The following PARD3B variants were observed in gnomAD, a reference collection of about 807,000 sequenced individuals.
PARD3B encodes the protein par-3 family cell polarity regulator beta, also known as partitioning defective 3 homolog B.
A neutral mutation model predicts 130.2 loss-of-function variants in PARD3B; 103 were observed. The ratio of observed to expected loss-of-function variants is 0.79; its 90% confidence interval spans 0.67 to 0.93. The LOEUF (loss-of-function observed/expected upper bound fraction) is 0.93, where lower values mean the gene tolerates loss of function less well. PARD3B is among the 40% of genes least tolerant of loss of function. PARD3B has a pLI of 0.00. For missense variants in PARD3B, 1,609 were observed against 1,499.2 expected, an observed-to-expected ratio of 1.07 and a Z score of -1.21; for synonymous variants, 583 against 553.2, an observed-to-expected ratio of 1.05 and a Z score of -0.76.
In PARD3B at chr2:204,641,659, C is replaced by T. The variant is rs2035080887; in HGVS notation, c.121-44522C>T. Among the ~76,000 whole-genome samples the T allele has an allele frequency of 2.0e-5, 3 of 152,112 alleles. No individual in the cohort carries two copies. In the South Asian group the frequency reaches 6.2e-4, roughly 31 times the overall value. ...GTTTGGACACACCATGGTTGTAATT[C>T]ATACTCTTGGTTTTAGCAACACTTT... On this transcript the variant is annotated intron_variant, in intron 1 of 22. Transcript: ENST00000406610.
chr2:204,661,157 T>G (rs2035795752), intron 1 of PARD3B, among the ~76,000 whole-genome samples: 1 of 152,194 alleles, frequency 6.6e-6, no homozygotes. Context: ...TTCTTTTCCA[T>G]TATACTTTTT....
At chr2:205,496,675 A>G (rs979526307) in intron 20 of PARD3B, among the ~76,000 whole-genome samples, 4 of 152,132 alleles carry the variant, frequency 2.6e-5, no homozygotes, top group African/African-American at 9.7e-5. Context: ...GAGAACAGCA[A>G]TCTGATCAAA....
At chr2:204,695,895 T>C (rs1355187911) in intron 2 of PARD3B, among the ~76,000 whole-genome samples, 1 of 152,002 alleles carries the variant, frequency 6.6e-6, no homozygotes, top group Non-Finnish European at 1.5e-5. Flanking sequence ...GAAGTAGTTT[T>C]CTGAAACAAA....
chr2:204,723,740 G>A (rs1047816374), intron 2 of PARD3B, among the ~76,000 whole-genome samples: 2 of 152,036 alleles, frequency 1.3e-5, no homozygotes. Flanking sequence ...GCAGGATGAT[G>A]GAGTGATAAA....
At chr2:204,756,737 A>G (rs1291634504) in intron 2 of PARD3B, among the ~76,000 whole-genome samples, 2 of 152,184 alleles carry the variant, frequency 1.3e-5, no homozygotes, top group African/African-American at 2.4e-5. Context: ...AAATAGAGTA[A>G]GAAAAGAAAC....
chr2:204,812,842 C>T (rs77850680), intron 2 of PARD3B, among the ~76,000 whole-genome samples: 2,576 of 152,152 alleles, frequency 0.017, 64 homozygotes, highest in African/African-American at 0.057. Context: ...AATTATTATT[C>T]TAGGGAGACA....
chr2:205,158,868 T>G lies in PARD3B; in HGVS notation c.1581T>G (p.Ile527Met), dbSNP rs745401884. The G allele has an allele frequency of 1.9e-6, 3 of 1,614,062 alleles. No homozygotes were observed. Among genetic ancestry groups the G allele is most frequent in the Admixed American group, 1.7e-5 (1 of 60,006 alleles). The change falls in exon 11 of 23, where the codon ATT becomes ATG. Residue 527 changes from isoleucine to methionine, a missense_variant. Transcript: ENST00000406610. This position sits in a 1 kb window ranked among gnomAD's most constrained non-coding sequence, Gnocchi z 5.4. Reference protein sequence around the residue: ...KSRETGTDLGIFIKSIIHGGA... With the variant: ...KSRETGTDLGMFIKSIIHGGA... ...GAGAAACTGGAACAGACTTGGGGATTTTTATCAAATCCATCATTCATGGAG... is the reference window on the plus strand; with the variant it reads ...GAGAAACTGGAACAGACTTGGGGATGTTTATCAAATCCATCATTCATGGAG...
intron 21 of PARD3B, among the ~76,000 whole-genome samples, chr2:205,507,194 G>GTTTTTTT (rs1245448537): frequency 5.5e-4 from 14 of 25,322 alleles, no homozygotes; most frequent in Non-Finnish European, 9.5e-4. Context: ...GACAGGTGCA[G>GTTTTTTT]TATTTTTTTT....
chr2:204,550,150 C>T (rs1316972473), intron 1 of PARD3B, among the ~76,000 whole-genome samples: 1 of 152,144 alleles, frequency 6.6e-6, no homozygotes, highest in African/African-American at 2.4e-5. Flanking sequence ...TGCAGATGCT[C>T]AAGTTCCTGA....
Position 205,302,309 on chromosome 2 carries a change from G to T in PARD3B, c.2630+608G>T, listed in dbSNP as rs369998760. ...TTGAACTCCTGACCTCAAGTGATCT[G>T]CCTTGTCTGCCTTGGCCTCCCAAAG... On this transcript the variant is annotated intron_variant, in intron 18 of 22. Coordinates refer to ENST00000406610, the MANE Select transcript of PARD3B (RefSeq NM_001302769.2). Among the ~76,000 whole-genome samples the T allele has an allele frequency of 1.5e-3, 220 of 151,666 alleles. 1 individual carries two copies. The highest frequency in any genetic ancestry group is 5.0e-3 in the African/African-American group (208 of 41,384).
At position 205,575,780 on chromosome 2, in the gene PARD3B, G is replaced by T. The variant is rs2053737714; in HGVS notation, c.3260+22377G>T. 6.6e-6 allele frequency among the ~76,000 whole-genome samples: 1 copy of T among 152,120 alleles called. No individual in the cohort carries two copies. Among genetic ancestry groups the T allele is most frequent in the Admixed American group, 6.5e-5 (1 of 15,270 alleles). On this transcript the variant is annotated intron_variant, in intron 22 of 22. Transcript: ENST00000406610. This position sits in a 1 kb window ranked among gnomAD's most constrained non-coding sequence, Gnocchi z 4.6. ...CAGTTGATTCATTCACTTACTAAAG[G>T]ACATCTTGGTTGCCTCCAGGTTTTG...
chr2:205,279,841 G>C (rs910743732), intron 16 of PARD3B, among the ~76,000 whole-genome samples: 1 of 152,182 alleles, frequency 6.6e-6, no homozygotes, highest in African/African-American at 2.4e-5. Flanking sequence ...TGGGAAGTAA[G>C]TTCTCCAGTG....
At chr2:204,642,601 A>T in intron 1 of PARD3B, among the ~76,000 whole-genome samples, 1 of 152,114 alleles carries the variant, frequency 6.6e-6, no homozygotes, top group East Asian at 1.9e-4. Context: ...TTTAATCTGG[A>T]GACTGAGAAA....
At chr2:204,989,133 G>T (rs1693425097) in intron 3 of PARD3B, among the ~76,000 whole-genome samples, 1 of 152,090 alleles carries the variant, frequency 6.6e-6, no homozygotes, top group Non-Finnish European at 1.5e-5. Context: ...CAGCACTCAG[G>T]GCAGTGTCCC....
chr2:205,340,600 A>T (rs1470388632), intron 18 of PARD3B, among the ~76,000 whole-genome samples: 3 of 152,172 alleles, frequency 2.0e-5, no homozygotes, highest in African/African-American at 4.8e-5. Flanking sequence ...AATTAACTCA[A>T]AATGAATTAA....
chr2:205,400,596 C>G (rs1287448763), intron 18 of PARD3B, among the ~76,000 whole-genome samples: 1 of 151,622 alleles, frequency 6.6e-6, no homozygotes, highest in Non-Finnish European at 1.5e-5. Flanking sequence ...GAACGAAGAT[C>G]ACACCACTGC....
chr2:205,215,325 G>A (rs917158362), intron 15 of PARD3B, among the ~76,000 whole-genome samples: 4 of 151,124 alleles, frequency 2.6e-5, no homozygotes, highest in African/African-American at 9.7e-5. Context: ...ACTTGATTTG[G>A]AAATGCCAAC....
rs761115918 is a variant in PARD3B, at chr2:204,551,478, AT to A, written c.120+5361del. Among the ~76,000 whole-genome samples the A allele has an allele frequency of 4.9e-4, 75 of 151,946 alleles. 2 individuals carry two copies. Among genetic ancestry groups the A allele is most frequent in the Non-Finnish European group, 6.6e-4 (45 of 67,982 alleles). ...GCTTATTTTCTCACTTATGGCCTTA[AT>A]TCATGGTTGCTATTTGGCCTGCTGG... On this transcript the variant is annotated intron_variant, in intron 1 of 22. Coordinates refer to ENST00000406610, the MANE Select transcript of PARD3B (RefSeq NM_001302769.2).
At chr2:205,133,359 T>G (rs2032187557) in intron 10 of PARD3B, among the ~76,000 whole-genome samples, 1 of 152,098 alleles carries the variant, frequency 6.6e-6, no homozygotes, top group Admixed American at 6.5e-5. Flanking sequence ...GTTCTCAGAG[T>G]GTGGTCTCAG....
Sources: gnomAD v4.1 joint callset for allele counts (sites outside exome capture counted in the v4.1 genomes callset) on GRCh38, gnomAD v4.1.1 for gene constraint, Gnocchi (gnomAD v3.1) non-coding constraint, MANE v1.5 for transcripts, NCBI Gene and HGNC (gene_info 2026-07-23, HGNC 2026-07-21) for gene names.